The following KIF13B variants were observed in gnomAD, a reference collection of about 807,000 sequenced individuals.
KIF13B encodes kinesin-like protein KIF13B.
KIF13B carries 127 observed loss-of-function variants against 222.0 expected under a neutral mutation model. The observed-to-expected ratio is 0.57, with a 90% confidence interval of 0.50 to 0.66. The LOEUF (loss-of-function observed/expected upper bound fraction) is 0.66. KIF13B is among the 30% of genes least tolerant of loss of function. KIF13B has a pLI of 0.00. For missense variants in KIF13B, 2,173 were observed against 2,379.0 expected (o/e 0.91, Z 1.80); for synonymous variants, 976 against 919.0 (o/e 1.06, Z -1.12).
chr8:29,246,826 A>G (rs1816047616), intron 1 of KIF13B, among the ~76,000 whole-genome samples: 1 of 152,220 alleles, frequency 6.6e-6, no homozygotes, highest in Non-Finnish European at 1.5e-5. Context: ...GATTTTGACA[A>G]CGATGCCAAA....
intron 2 of KIF13B, among the ~76,000 whole-genome samples, chr8:29,234,685 GA>G (rs199754355): frequency 0.011 from 1,144 of 106,152 alleles, 12 homozygotes; most frequent in East Asian, 0.044. Context: ...ACCACCAAAG[GA>G]AAAAAAAAAA....
chr8:29,180,464 T>C (rs1170758870), intron 7 of KIF13B, among the ~76,000 whole-genome samples: 1 of 152,156 alleles, frequency 6.6e-6, no homozygotes, highest in East Asian at 1.9e-4. Flanking sequence ...GGTGGCAGCC[T>C]TGACTCAAAG....
intron 1 of KIF13B, among the ~76,000 whole-genome samples, chr8:29,261,377 G>A (rs1425838549): frequency 1.3e-5 from 2 of 152,240 alleles, no homozygotes; most frequent in Admixed American, 1.3e-4. Flanking sequence ...GGGAAAGGGA[G>A]AGGGAAAGGG....
At chr8:29,124,500 C>A (rs1004780877) in intron 26 of KIF13B, among the ~76,000 whole-genome samples, 17 of 152,280 alleles carry the variant, frequency 1.1e-4, no homozygotes, top group Middle Eastern at 6.8e-3. Context: ...GTAATCCCAG[C>A]ACTTTGGGAG....
Position 29,127,120 on chromosome 8 carries a change from A to G in KIF13B, c.3222+2T>C. 6.2e-7 allele frequency: 1 copy of G among 1,613,516 alleles called. No individual in the cohort carries two copies. Among genetic ancestry groups the G allele is most frequent in the Non-Finnish European group, 8.5e-7 (1 of 1,179,626 alleles). On this transcript the variant is annotated splice_donor_variant, in intron 25 of 39. Transcript: ENST00000524189. LOFTEE classifies it high-confidence loss of function. ...AAGAACATAACAGGTATAGAAACTT[A>G]CATGGAAGGTCTCATGTGTTCTGGG...
chr8:29,256,670 C>T (rs1816488697), intron 1 of KIF13B, among the ~76,000 whole-genome samples: 2 of 152,206 alleles, frequency 1.3e-5, no homozygotes, highest in South Asian at 2.1e-4. Flanking sequence ...AGTAAAAGCA[C>T]AGGTGGGTTT....
At chr8:29,157,364 G>A (rs1230248138) in intron 13 of KIF13B, among the ~76,000 whole-genome samples, 3 of 147,232 alleles carry the variant, frequency 2.0e-5, no homozygotes, top group African/African-American at 5.1e-5. Flanking sequence ...AGACCAGCCC[G>A]GGCAACACAG....
intron 37 of KIF13B, among the ~76,000 whole-genome samples, chr8:29,090,475 G>A (rs1008504662): frequency 9.8e-5 from 15 of 152,298 alleles, no homozygotes; most frequent in Non-Finnish European, 1.8e-4. Flanking sequence ...GAAGTCAGGC[G>A]AAGGAAGTTG....
intron 18 of KIF13B, 93 bp from the exon 19 acceptor site, chr8:29,142,396 A>G (rs1413422525): frequency 1.8e-5 from 19 of 1,081,190 alleles, no homozygotes; most frequent in Non-Finnish European, 2.5e-5. Context: ...ATGTCATTAC[A>G]CCAAAACTCA....
intron 35 of KIF13B, among the ~76,000 whole-genome samples, chr8:29,105,304 C>T (rs147076158): frequency 2.0e-5 from 3 of 152,292 alleles, no homozygotes; most frequent in Non-Finnish European, 4.4e-5. Context: ...ACTGCATGTA[C>T]TGTCAAGAAC....
chr8:29,156,366 T>A (rs1811526289), intron 13 of KIF13B, among the ~76,000 whole-genome samples: 1 of 152,166 alleles, frequency 6.6e-6, no homozygotes, highest in African/African-American at 2.4e-5. Flanking sequence ...TGGTTGACCC[T>A]GACCTAGACT....
In KIF13B at chr8:29,167,531, C is replaced by T. The variant is rs142831178; in HGVS notation, c.1000G>A (p.Ala334Thr). 2 of 1,614,076 alleles carry T rather than the reference C, an allele frequency of 1.2e-6. No homozygotes were observed. Among genetic ancestry groups the T allele is most frequent in the Non-Finnish European group, 1.7e-6 (2 of 1,179,894 alleles). Residue 334 changes from alanine to threonine, a missense_variant, in exon 11 of 40, where the codon GCT becomes ACT. Transcript: ENST00000524189. ...GAGAGGGTTTCATCATAGTTATCAGCTGCAGGACTCACAGTAGCCACCATG... is the reference window on the plus strand; with the variant it reads ...GAGAGGGTTTCATCATAGTTATCAGTTGCAGGACTCACAGTAGCCACCATG... ...TAMVATVSPA[A>T]DNYDETLSTL...
At position 29,150,447 on chromosome 8, in the gene KIF13B, C is replaced by T. The variant is rs1004422901; in HGVS notation, c.1536-64G>A. 3.9e-6 allele frequency: 3 copies of T among 773,168 alleles called. No individual in the cohort carries two copies. The African/African-American group carries it at 5.2e-5, about 13-fold the overall frequency. The allele number at this position is 773,168 out of a possible 1,614,324, so 47.9% of individuals were successfully genotyped here. Reference sequence around the variant, plus strand: ...GTATCATGTCTTCTGCTTTAATTTCCCAATAACATAGAGATATAGTTACTA... The same window carrying T: ...GTATCATGTCTTCTGCTTTAATTTCTCAATAACATAGAGATATAGTTACTA... On this transcript the variant is annotated intron_variant, in intron 14 of 39. Transcript: ENST00000524189.
intron 21 of KIF13B, among the ~76,000 whole-genome samples, chr8:29,137,892 G>A (rs976960237): frequency 1.2e-4 from 18 of 152,238 alleles, no homozygotes; most frequent in Admixed American, 3.9e-4. Flanking sequence ...CAACTGAAGC[G>A]GCTCCCACTG....
At chr8:29,135,313 G>T (rs1810509549) in intron 21 of KIF13B, among the ~76,000 whole-genome samples, 1 of 152,048 alleles carries the variant, frequency 6.6e-6, no homozygotes. Flanking sequence ...CCAAAATACT[G>T]GGATTATAGA....
At chr8:29,160,293 A>G (rs1811718590) in intron 13 of KIF13B, among the ~76,000 whole-genome samples, 1 of 152,236 alleles carries the variant, frequency 6.6e-6, no homozygotes, top group South Asian at 2.1e-4. Context: ...CCTAAGAGTT[A>G]CTGGAAACAT....
chr8:29,228,482 T>TATATATATATAC (rs1815140730), intron 2 of KIF13B, among the ~76,000 whole-genome samples: 1 of 118,254 alleles, frequency 8.5e-6, no homozygotes, highest in Non-Finnish European at 1.8e-5. Flanking sequence ...AATATATATA[T>TATATATATATAC]ATATATATGA....
intron 6 of KIF13B, among the ~76,000 whole-genome samples, chr8:29,182,695 T>C (rs557373104): frequency 1.3e-5 from 2 of 151,588 alleles, no homozygotes; most frequent in Non-Finnish European, 2.9e-5. Context: ...TACTTAATAA[T>C]ATAAACCAAA....
intron 1 of KIF13B, among the ~76,000 whole-genome samples, chr8:29,258,398 C>T (rs1176570146): frequency 1.3e-5 from 2 of 152,190 alleles, no homozygotes; most frequent in Non-Finnish European, 1.5e-5. Flanking sequence ...GCTTTGGGAT[C>T]TAGCAATCTT....
Sources: allele counts gnomAD v4.1 joint callset (sites outside exome capture counted in the v4.1 genomes callset), GRCh38; gene constraint gnomAD v4.1.1; transcripts MANE v1.5; gene names NCBI Gene and HGNC (gene_info 2026-07-23, HGNC 2026-07-21).